Variants in MICB observed in about 807,000 individuals in gnomAD.
MICB encodes the protein MHC class I antigen-related protein B.
In MICB, 27 loss-of-function variants were observed where a neutral mutation model predicts 34.3. The ratio of observed to expected loss-of-function variants is 0.79; its 90% CI spans 0.58 to 1.08. The LOEUF (loss-of-function observed/expected upper bound fraction) is 1.08, where lower values mean the gene tolerates loss of function less well. Ranked by LOEUF, MICB falls within the 50% of genes least tolerant of loss-of-function variation. The pLI is 0.00. For synonymous variants in MICB, 153 were observed against 187.4 expected, an observed-to-expected ratio of 0.82 and a Z score of 1.50; for missense variants, 426 against 483.1, an observed-to-expected ratio of 0.88 and a Z score of 1.11.
At chr6:31,495,696 G>A (rs1764616253), upstream of MICB, among the ~76,000 whole-genome samples, 1 of 152,084 alleles carries the variant, frequency 6.6e-6, no homozygotes, top group African/African-American at 2.4e-5. Context: ...GATCCTGGAG[G>A]GTTCATAGTC....
chr6:31,497,872 C>G (rs1411523835), upstream of MICB, among the ~76,000 whole-genome samples: 1 of 152,124 alleles, frequency 6.6e-6, no homozygotes, highest in Non-Finnish European at 1.5e-5. Context: ...GGGTCCAGGT[C>G]GTGCTCATAA....
intron 5 of MICB, 44 bp from the exon 6 acceptor site, chr6:31,509,738 A>G (rs369231590): frequency 6.4e-7 from 1 of 1,571,238 alleles, no homozygotes; most frequent in Non-Finnish European, 8.6e-7. Context: ...AATAAACACA[A>G]CACTGCACCC....
At chr6:31,509,454 G>A (rs1196929855) in intron 5 of MICB, among the ~76,000 whole-genome samples, 4 of 152,132 alleles carry the variant, frequency 2.6e-5, no homozygotes, top group African/African-American at 4.8e-5. Flanking sequence ...CCTCTCTTTG[G>A]GGAGGCCTCT....
At chr6:31,505,974 G>A in intron 2 of MICB, 103 bp downstream of exon 2, 2 of 1,491,438 alleles carry the variant, frequency 1.3e-6, no homozygotes, top group Middle Eastern at 1.8e-4. Flanking sequence ...CTGGGGGTGG[G>A]GATGAGGAAT....
At position 31,507,621 on chromosome 6, in the gene MICB, T is replaced by A; in HGVS notation, c.1024+90T>A. The A allele has an allele frequency of 6.6e-7, 1 of 1,512,264 alleles. No homozygotes were observed. Among genetic ancestry groups the A allele is most frequent in the Non-Finnish European group, 9.1e-7 (1 of 1,103,192 alleles). 93.7% of individuals were successfully genotyped at this position (1,512,264 alleles called of 1,614,324 possible). On this transcript the variant is annotated intron_variant, in intron 5 of 5. Coordinates refer to ENST00000252229, the MANE Select transcript of MICB (RefSeq NM_005931.5). The surrounding 1 kb of genome is among the most constrained non-coding windows in gnomAD (Gnocchi z 6.0). ...TGCTCCTGCCCAGACAAGACGTAGG[T>A]GACAAGGCTGCTGGGACAGGGGATG...
chr6:31,498,100 G>T (rs1038155296), upstream of MICB: 14 of 1,017,634 alleles, frequency 1.4e-5, no homozygotes, highest in Non-Finnish European at 1.8e-5. Flanking sequence ...GTCGCTGAGC[G>T]GGGCGCAGGT....
intron 1 of MICB, among the ~76,000 whole-genome samples, chr6:31,503,671 A>G (rs6908934): frequency 0.28 from 41,899 of 151,974 alleles, 5,943 homozygotes; most frequent in Admixed American, 0.34. Flanking sequence ...ATATGTATGT[A>G]CCACATCTTG....
At chr6:31,505,407 T>C (rs973772200) in intron 1 of MICB, among the ~76,000 whole-genome samples, 1 of 152,138 alleles carries the variant, frequency 6.6e-6, no homozygotes, top group African/African-American at 2.4e-5. Context: ...AAGTTTGCCA[T>C]CTTCATTCCC....
chr6:31,509,327 G>A (rs1765530412), intron 5 of MICB, among the ~76,000 whole-genome samples: 1 of 152,252 alleles, frequency 6.6e-6, no homozygotes, highest in African/African-American at 2.4e-5. Flanking sequence ...AGGGCTGGGA[G>A]GGGAGGAGTG....
chr6:31,507,451 C>G lies in MICB; in HGVS notation c.944C>G (p.Ala315Gly). Residue 315 changes from alanine to glycine, a missense_variant, in exon 5 of 6, where the codon GCT (alanine) becomes GGT (glycine). Physicochemically the swap from Ala to Gly is moderately conservative, Grantham distance 60. Coordinates refer to ENST00000252229, the MANE Select transcript of MICB (RefSeq NM_005931.5). The surrounding 1 kb of genome is among the most constrained non-coding windows in gnomAD (Gnocchi z 6.0). The stretch of plus-strand genomic sequence containing the variant: ...CGGACAGACTTTCCATATGTTTCTG[C>G]TGCTATGCCATGTTTTGTTATTATT... ...SQRTDFPYVS[A>G]AMPCFVIIII... The G allele has an allele frequency of 6.2e-7, 1 of 1,614,162 alleles. No individual in the cohort carries two copies. The highest frequency in any genetic ancestry group is 8.5e-7 in the Non-Finnish European group (1 of 1,180,028).
At position 31,510,506 on chromosome 6, in the gene MICB, C is replaced by T. The variant is rs1765614434; in HGVS notation, c.*597C>T. 1 of 152,078 alleles carries T rather than the reference C, an allele frequency of 6.6e-6. No homozygotes were observed. Among genetic ancestry groups the T allele is most frequent in the African/African-American group, 2.4e-5 (1 of 41,374 alleles). The allele number at this position is 152,078 out of a possible 1,614,324, so 9.4% of individuals were successfully genotyped here. On this transcript the variant is annotated 3_prime_UTR_variant, in exon 6 of 6. Coordinates refer to ENST00000252229, the MANE Select transcript of MICB (RefSeq NM_005931.5). ...AGGGTTGTGGGGCCCTTAACAGTGC[C>T]ATATTAATTGGTATCATTATTTCTG... is the stretch of plus-strand genomic sequence containing the variant.
At chr6:31,499,588 C>T (rs2855804) in intron 1 of MICB, among the ~76,000 whole-genome samples, 47,878 of 152,010 alleles carry the variant, frequency 0.31, 7,769 homozygotes, top group Middle Eastern at 0.39. Flanking sequence ...TCCAGACCCC[C>T]AAGGAGAGCC....
chr6:31,505,323 G>A (rs1030543902), intron 1 of MICB, among the ~76,000 whole-genome samples: 2 of 152,106 alleles, frequency 1.3e-5, no homozygotes, highest in Non-Finnish European at 2.9e-5. Flanking sequence ...CCTTGCCCCT[G>A]CAGGGCAGCC....
chr6:31,504,693 T>C lies in MICB; in HGVS notation c.71-924T>C, dbSNP rs553848385. On this transcript the variant is annotated intron_variant, in intron 1 of 5. Transcript: ENST00000252229. ...ATTTTTCATGAGTCCAGTTTGTCAGTTCTTTCTATTCTATCTGTGCTTTGG... is the reference window on the plus strand; with the variant it reads ...ATTTTTCATGAGTCCAGTTTGTCAGCTCTTTCTATTCTATCTGTGCTTTGG... Among the ~76,000 whole-genome samples the C allele has an allele frequency of 1.1e-4, 17 of 152,290 alleles. No homozygotes were observed. The East Asian group carries it at 3.3e-3, about 29-fold the overall frequency.
chr6:31,495,661 C>CA (rs59034220), upstream of MICB, among the ~76,000 whole-genome samples: 13,475 of 151,752 alleles, frequency 0.089, 722 homozygotes, highest in Middle Eastern at 0.21. Flanking sequence ...GTGAGGCCAA[C>CA]AAAAAAGAAA....
chr6:31,498,440 C>T (rs41293864), intron 1 of MICB, among the ~76,000 whole-genome samples, 177 bp downstream of exon 1: 20,917 of 138,880 alleles, frequency 0.15, 1,781 homozygotes, highest in Admixed American at 0.24. Flanking sequence ...TTCCCATCTC[C>T]CGTCTCTTTT....
chr6:31,509,687 A>T (rs1181159342), intron 5 of MICB, 95 bp from the exon 6 acceptor site: 1 of 1,423,766 alleles, frequency 7.0e-7, no homozygotes. Flanking sequence ...GAAAGGGCGA[A>T]TCTGATTTTG....
At position 31,509,881 on chromosome 6, in the gene MICB, G is replaced by A; in HGVS notation, c.1124G>A (p.Gly375Glu). Residue 375 changes from glycine (G) to glutamate (E), a missense_variant, in exon 6 of 6, where the codon GGG becomes GAG. Physicochemically the swap from Gly to Glu is moderately conservative, Grantham distance 98 (BLOSUM62 -2). Coordinates refer to ENST00000252229, the MANE Select transcript of MICB (RefSeq NM_005931.5). ...LGFQPLMSAT[G>E]STGSTEGT ...TTTCAGCCTCTGATGTCAGCTACTG[G>A]GTCCACTGGTTCCACTGAGGGCACC... 1 of 1,612,968 alleles carries A rather than the reference G, an allele frequency of 6.2e-7. No homozygotes were observed. Among genetic ancestry groups the A allele is most frequent in the Non-Finnish European group, 8.5e-7 (1 of 1,179,338 alleles).
chr6:31,499,761 A>C (rs1256731082), intron 1 of MICB, among the ~76,000 whole-genome samples: 1 of 151,844 alleles, frequency 6.6e-6, no homozygotes, highest in Non-Finnish European at 1.5e-5. Flanking sequence ...TCCAGCCCAC[A>C]GGTGCTGGAC....
Sources: allele counts gnomAD v4.1 joint callset (sites outside exome capture counted in the v4.1 genomes callset), GRCh38; gene constraint gnomAD v4.1.1; non-coding constraint Gnocchi (gnomAD v3.1); transcripts MANE v1.5; gene names NCBI Gene and HGNC (gene_info 2026-07-23, HGNC 2026-07-21).